The following PTPRN2 variants were observed in gnomAD, a reference collection of about 807,000 sequenced individuals.
PTPRN2 encodes receptor-type tyrosine-protein phosphatase N2.
PTPRN2 carries 74 observed loss-of-function variants against 118.8 expected under a neutral mutation model. That is an observed-to-expected ratio of 0.62 (90% CI 0.52 to 0.76). The LOEUF is 0.76. Ranked by LOEUF, PTPRN2 falls within the 30% of genes least tolerant of loss-of-function variation. The pLI is 0.00. For synonymous variants in PTPRN2, 641 were observed against 608.0 expected (o/e 1.05, Z -0.80); for missense variants, 1,481 against 1,394.4 (o/e 1.06, Z -0.99).
chr7:157,912,533 G>A (rs570570662), intron 11 of PTPRN2, among the ~76,000 whole-genome samples: 1 of 152,078 alleles, frequency 6.6e-6, no homozygotes, highest in African/African-American at 2.4e-5. Context: ...TGCATTTCTG[G>A]CATCTTGTTT....
chr7:158,373,583 G>A (rs948865470), intron 2 of PTPRN2, among the ~76,000 whole-genome samples: 12 of 152,218 alleles, frequency 7.9e-5, no homozygotes, highest in Non-Finnish European at 1.2e-4. Flanking sequence ...TGAAGCAAAC[G>A]AAGTCTCTCC....
rs190127574 is a variant in PTPRN2, at chr7:158,492,751, C to T, written c.113-2966G>A. ...AAATTTCATTTTAAGTATCAGCCAC[C>T]TACTAATAGTAATTATGACCATAAA... On this transcript the variant is annotated intron_variant, in intron 1 of 22. Coordinates refer to ENST00000389418, the MANE Select transcript of PTPRN2 (RefSeq NM_002847.5). Among the ~76,000 whole-genome samples the T allele has an allele frequency of 1.3e-3, 194 of 152,346 alleles. 1 individual carries two copies. Among genetic ancestry groups the T allele is most frequent in the African/African-American group, 4.6e-3 (190 of 41,578 alleles).
chr7:158,007,212 G>A (rs558087777), intron 11 of PTPRN2, among the ~76,000 whole-genome samples: 9 of 152,280 alleles, frequency 5.9e-5, no homozygotes, highest in African/African-American at 2.2e-4. Context: ...CGCCTTATGC[G>A]GCCCCGGGTG....
At chr7:158,075,421 A>C (rs1209384474) in intron 11 of PTPRN2, among the ~76,000 whole-genome samples, 1 of 151,944 alleles carries the variant, frequency 6.6e-6, no homozygotes, top group Non-Finnish European at 1.5e-5. Context: ...TGCAGGTGGG[A>C]GTTCTTGTTC....
intron 12 of PTPRN2, among the ~76,000 whole-genome samples, chr7:157,756,963 C>A (rs1344737607): frequency 6.6e-6 from 1 of 152,178 alleles, no homozygotes; most frequent in Non-Finnish European, 1.5e-5. Context: ...GAGCCTGGAA[C>A]ATGCAGGGCC....
intron 17 of PTPRN2, among the ~76,000 whole-genome samples, chr7:157,586,921 A>G (rs749047179): frequency 6.6e-6 from 1 of 152,202 alleles, no homozygotes; most frequent in Non-Finnish European, 1.5e-5. Context: ...GTGGTGTAGG[A>G]CCATCCCCTC....
intron 11 of PTPRN2, among the ~76,000 whole-genome samples, chr7:157,933,582 G>T (rs1799519117): frequency 6.7e-6 from 1 of 150,280 alleles, no homozygotes; most frequent in South Asian, 2.1e-4. Flanking sequence ...TTTAGAGGAG[G>T]GGTGAGTCAC....
At chr7:158,516,130 C>G (rs1418146462) in intron 1 of PTPRN2, among the ~76,000 whole-genome samples, 3 of 152,144 alleles carry the variant, frequency 2.0e-5, no homozygotes, top group Non-Finnish European at 2.9e-5. Context: ...AAGGAGTCTC[C>G]ATAGCATTAA....
At chr7:157,608,060 A>G (rs1802109228) in intron 15 of PTPRN2, among the ~76,000 whole-genome samples, 1 of 152,096 alleles carries the variant, frequency 6.6e-6, no homozygotes, top group African/African-American at 2.4e-5. Flanking sequence ...TGCTTTTGAA[A>G]TTACCAGCGA....
intron 2 of PTPRN2, among the ~76,000 whole-genome samples, chr7:158,392,420 G>A (rs1015948536): frequency 6.6e-6 from 1 of 152,214 alleles, no homozygotes; most frequent in African/African-American, 2.4e-5. Context: ...CGAGGAGAGG[G>A]CGGCGGGGAT....
intron 2 of PTPRN2, 57 bp downstream of exon 2, chr7:158,489,678 G>C: frequency 2.0e-6 from 3 of 1,513,152 alleles, no homozygotes; most frequent in Non-Finnish European, 2.7e-6. Context: ...TGGGCGCTGC[G>C]CACGGCGGGC....
In PTPRN2 at chr7:157,884,193, C is replaced by A. The variant is rs111775353; in HGVS notation, c.1788+14480G>T. 9.9e-3 allele frequency among the ~76,000 whole-genome samples: 1,506 copies of A among 152,214 alleles called. 23 individuals are homozygous for A. Among genetic ancestry groups the A allele is most frequent in the African/African-American group, 0.035 (1,445 of 41,512 alleles). ...ACTGTCAGAGACCAGAACATACCAT[C>A]CAAAAATGACTGTCAGAGACCAGAA... On this transcript the variant is annotated intron_variant, in intron 12 of 22. Coordinates refer to ENST00000389418, the MANE Select transcript of PTPRN2 (RefSeq NM_002847.5).
At chr7:158,033,512 C>A (rs917135611) in intron 11 of PTPRN2, among the ~76,000 whole-genome samples, 3 of 152,100 alleles carry the variant, frequency 2.0e-5, no homozygotes, top group African/African-American at 4.8e-5. Flanking sequence ...GCTGTCCACA[C>A]CAAAAAGACC....
chr7:158,205,302 C>G (rs932579457), intron 3 of PTPRN2, 29 bp from the exon 4 acceptor site: 3 of 1,547,736 alleles, frequency 1.9e-6, no homozygotes, highest in Non-Finnish European at 2.7e-6. Flanking sequence ...AAAATTATGT[C>G]ATCATTTTGG....
At chr7:158,557,311 G>A (rs1347947221) in intron 1 of PTPRN2, among the ~76,000 whole-genome samples, 4 of 136,250 alleles carry the variant, frequency 2.9e-5, no homozygotes, top group African/African-American at 5.6e-5. Context: ...TGGGCAGGTC[G>A]CTCCCGCGCA....
intron 3 of PTPRN2, among the ~76,000 whole-genome samples, chr7:158,260,121 C>T (rs1009670785): frequency 2.1e-4 from 32 of 152,166 alleles, no homozygotes; most frequent in African/African-American, 7.5e-4. Context: ...AGAACCAGAA[C>T]GCCTGCATGC....
chr7:158,499,648 A>C (rs1221581739), intron 1 of PTPRN2, among the ~76,000 whole-genome samples: 1 of 152,108 alleles, frequency 6.6e-6, no homozygotes. Flanking sequence ...GTGCATGCCT[A>C]TAATCCCAGC....
intron 12 of PTPRN2, among the ~76,000 whole-genome samples, chr7:157,722,675 C>T (rs1479852367): frequency 2.0e-5 from 3 of 152,134 alleles, no homozygotes; most frequent in Non-Finnish European, 4.4e-5. Flanking sequence ...CCAGGTGCAG[C>T]CGGGGGGGAC....
intron 1 of PTPRN2, among the ~76,000 whole-genome samples, chr7:158,582,754 G>A (rs1033304479): frequency 4.7e-5 from 6 of 126,782 alleles, no homozygotes; most frequent in African/African-American, 1.2e-4. Context: ...CCATGATTGC[G>A]CCATTGTACT....
Sources: gnomAD v4.1 joint callset for allele counts (sites outside exome capture counted in the v4.1 genomes callset) on GRCh38, gnomAD v4.1.1 for gene constraint, MANE v1.5 for transcripts, NCBI Gene and HGNC (gene_info 2026-07-23, HGNC 2026-07-21) for gene names.